Variants in KDM7A observed in about 807,000 individuals in gnomAD.
KDM7A encodes lysine-specific demethylase 7A.
Under a neutral mutation model 114.8 loss-of-function variants are expected in KDM7A, and 28 were observed. That is an observed-to-expected ratio of 0.24 (90% CI 0.18 to 0.33). The LOEUF is 0.33. Ranked by LOEUF, KDM7A falls within the 10% of genes least tolerant of loss-of-function variation. The pLI is 1.00. For synonymous variants in KDM7A, 423 were observed against 397.8 expected (o/e 1.06, Z -0.75); for missense variants, 942 against 1,142.5 (o/e 0.82, Z 2.53).
intron 11 of KDM7A, among the ~76,000 whole-genome samples, chr7:140,103,457 C>G (rs1334477672): frequency 1.8e-5 from 1 of 55,858 alleles, no homozygotes; most frequent in Non-Finnish European, 4.5e-5. Context: ...TGTTATCCCT[C>G]CCCCCCCCTC....
chr7:140,138,012 C>T (rs1362177537), intron 2 of KDM7A, among the ~76,000 whole-genome samples: 1 of 152,136 alleles, frequency 6.6e-6, no homozygotes, highest in East Asian at 1.9e-4. Context: ...TGCTAGTCTG[C>T]AGCCTAAAAT....
chr7:140,143,607 A>C (rs1356412640), intron 1 of KDM7A, among the ~76,000 whole-genome samples: 1 of 152,226 alleles, frequency 6.6e-6, no homozygotes, highest in African/African-American at 2.4e-5. Context: ...TAATAACTAC[A>C]ACAAAATATC....
rs1818011339 is a variant in KDM7A at position 140,091,122 on chromosome 7, C to T, written c.2798G>A (p.Arg933Lys). 6.2e-7 allele frequency: 1 copy of T among 1,614,138 alleles called. No individual in the cohort carries two copies. The highest frequency in any genetic ancestry group is 1.3e-5 in the African/African-American group (1 of 75,070). The change falls in exon 20 of 20, where the codon AGA (arginine) becomes AAA (lysine). Residue 933 changes from arginine (R) to lysine (K), a missense_variant. By Grantham distance (26) the Arg-to-Lys change is conservative. Transcript: ENST00000397560. ...QRLGKILKLN[R>K]NGHARFFV ...CACAAAGAAACGTGCATGGCCATTT[C>T]TGTTCAACTTAAGGATCTTCCCAAG...
rs563361007 is a variant in KDM7A, at chr7:140,156,797, C to CAG, written c.195-17609_195-17608dup. On this transcript the variant is annotated intron_variant, in intron 1 of 19. Transcript: ENST00000397560. ...GGTGCTTTCAGCAAGAAGTATTTCA[C>CAG]AGAGACAGAGACAGAGATGGAAATA... Among the ~76,000 whole-genome samples the CAG allele has an allele frequency of 7.9e-5, 12 of 152,322 alleles. No homozygotes were observed. The South Asian group carries it at 1.2e-3, about 16-fold the overall frequency.
rs186754288 is a variant in KDM7A at position 140,089,948 on chromosome 7, C to A, written c.*1146G>T. The A allele has an allele frequency of 6.6e-6, 1 of 152,162 alleles. No individual in the cohort carries two copies. The highest frequency in any genetic ancestry group is 1.5e-5 in the Non-Finnish European group (1 of 68,038). 9.4% of individuals were successfully genotyped at this position (152,162 alleles called of 1,614,324 possible). A position where few individuals can be genotyped will look rare whatever the true frequency, so the allele number is the denominator to read the frequency against. On this transcript the variant is annotated 3_prime_UTR_variant, in exon 20 of 20. Transcript: ENST00000397560. ...ATGTAGTATTAATCCTATTATATTA[C>A]GGCTTATGATGCAGATTTGAATATC...
chr7:140,092,150 G>T, intron 18 of KDM7A, 73 bp from the exon 19 acceptor site: 1 of 1,390,252 alleles, frequency 7.2e-7, no homozygotes, highest in Non-Finnish European at 1.0e-6. Flanking sequence ...CTATGCATTG[G>T]CAAAGTCAAG....
chr7:140,170,633 TGAGACTTCA>T (rs896978129), intron 1 of KDM7A, among the ~76,000 whole-genome samples: 30 of 152,350 alleles, frequency 2.0e-4, no homozygotes, highest in African/African-American at 6.3e-4. Flanking sequence ...AAGGTGACTG[TGAGACTTCA>T]ATGAGTTAAC....
intron 4 of KDM7A, among the ~76,000 whole-genome samples, chr7:140,128,552 G>A (rs1296563544): frequency 6.6e-6 from 1 of 152,160 alleles, no homozygotes; most frequent in East Asian, 1.9e-4. Flanking sequence ...TTTTGCAGAT[G>A]CTATCTACGC....
chr7:140,167,941 T>C (rs1056711698), intron 1 of KDM7A, among the ~76,000 whole-genome samples: 2 of 152,002 alleles, frequency 1.3e-5, no homozygotes, highest in South Asian at 2.1e-4. Context: ...AAAAGCTTGA[T>C]AGAATCAGAA....
chr7:140,102,461 CA>C (rs1219129909), intron 11 of KDM7A, among the ~76,000 whole-genome samples: 1 of 151,816 alleles, frequency 6.6e-6, no homozygotes, highest in Non-Finnish European at 1.5e-5. Flanking sequence ...TGCCTCACCG[CA>C]ATCTCCACCT....
At chr7:140,175,371 G>A (rs890575239) in intron 1 of KDM7A, among the ~76,000 whole-genome samples, 2 of 152,166 alleles carry the variant, frequency 1.3e-5, no homozygotes, top group African/African-American at 2.4e-5. Flanking sequence ...ATTGGGGAGG[G>A]GGGGAGCGGA....
At position 140,176,677 on chromosome 7, in the gene KDM7A, C is replaced by CCGGCGG. The variant is rs1436751703; in HGVS notation, c.194+61_194+66dup. 4 of 1,036,444 alleles carry CCGGCGG rather than the reference C, an allele frequency of 3.9e-6. No homozygotes were observed. The highest frequency in any genetic ancestry group is 1.1e-4 in the Admixed American group (2 of 17,474). The allele number at this position is 1,036,444 out of a possible 1,614,324, so 64.2% of individuals were successfully genotyped here. ...CCCGGCCCGAGGGAGGCGCGGGCGG[C>CCGGCGG]CGGCGGCGGCGGCGGTTGGTCGGTG... is the stretch of plus-strand genomic sequence containing the variant. On this transcript the variant is annotated intron_variant, in intron 1 of 19. Coordinates refer to ENST00000397560, the MANE Select transcript of KDM7A (RefSeq NM_030647.2). The surrounding 1 kb of genome is among the most constrained non-coding windows in gnomAD (Gnocchi z 4.4).
intron 11 of KDM7A, among the ~76,000 whole-genome samples, chr7:140,103,151 C>T (rs1160161728): frequency 1.3e-5 from 2 of 152,070 alleles, no homozygotes; most frequent in African/African-American, 4.8e-5. Flanking sequence ...CAACCCCTAG[C>T]AACTACCATT....
chr7:140,101,061 G>A (rs1035727751), intron 12 of KDM7A, among the ~76,000 whole-genome samples: 11 of 151,334 alleles, frequency 7.3e-5, no homozygotes, highest in African/African-American at 9.7e-5. Context: ...AAACTCCTGG[G>A]CTTAAATGAT....
intron 1 of KDM7A, among the ~76,000 whole-genome samples, chr7:140,172,298 TTA>T (rs1408011469): frequency 3.9e-5 from 6 of 152,212 alleles, no homozygotes; most frequent in African/African-American, 1.4e-4. Context: ...AAGGAAATAA[TTA>T]AATAACCACA....
At chr7:140,099,875 G>A (rs1818174352) in intron 13 of KDM7A, 24 bp downstream of exon 13, 1 of 1,597,382 alleles carries the variant, frequency 6.3e-7, no homozygotes, top group South Asian at 1.1e-5. Flanking sequence ...TAATCTATTT[G>A]ATACTCTGAT....
rs1205117184 is a variant in KDM7A, at chr7:140,176,393, G to A, written c.194+351C>T. Reference sequence around the variant, plus strand: ...CGGCGGCGGCCCGGGCTGGCGAGGGGCTGCGGACCCGGCCGGCGCTCCGCC... The same window carrying A: ...CGGCGGCGGCCCGGGCTGGCGAGGGACTGCGGACCCGGCCGGCGCTCCGCC... On this transcript the variant is annotated intron_variant, in intron 1 of 19. Transcript: ENST00000397560. This position sits in a 1 kb window ranked among gnomAD's most constrained non-coding sequence, Gnocchi z 4.4. Among the ~76,000 whole-genome samples, 1 of 144,496 alleles carries A rather than the reference G, an allele frequency of 6.9e-6. No individual in the cohort carries two copies. Among genetic ancestry groups the A allele is most frequent in the Non-Finnish European group, 1.5e-5 (1 of 65,066 alleles). 94.8% of individuals were successfully genotyped at this position (144,496 alleles called of 152,430 possible).
chr7:140,100,278 T>C lies in KDM7A; in HGVS notation c.1639-255A>G, dbSNP rs80324888. Among the ~76,000 whole-genome samples the C allele has an allele frequency of 4.2e-3, 636 of 152,304 alleles. 6 individuals are homozygous for C. The highest frequency in any genetic ancestry group is 0.015 in the African/African-American group (614 of 41,568). Reference sequence around the variant, plus strand: ...AGTAAAACATAAAATATGCATAAAGTGAATTCAAAGAAATTTCATTCTTGC... The same window carrying C: ...AGTAAAACATAAAATATGCATAAAGCGAATTCAAAGAAATTTCATTCTTGC... On this transcript the variant is annotated intron_variant, in intron 12 of 19. Transcript: ENST00000397560.
chr7:140,174,164 CAAAA>C (rs751602446), intron 1 of KDM7A, among the ~76,000 whole-genome samples: 2 of 87,050 alleles, frequency 2.3e-5, no homozygotes, highest in African/African-American at 4.3e-5. Flanking sequence ...ACTCCGTCTC[CAAAA>C]AAAAAAAAAA....
Sources: gnomAD v4.1 joint callset for allele counts (sites outside exome capture counted in the v4.1 genomes callset) on GRCh38, gnomAD v4.1.1 for gene constraint, Gnocchi (gnomAD v3.1) non-coding constraint, MANE v1.5 for transcripts, NCBI Gene and HGNC (gene_info 2026-07-23, HGNC 2026-07-21) for gene names.